The following AGBL4 variants were observed in gnomAD, a reference collection of about 807,000 sequenced individuals.
AGBL4 encodes AGBL carboxypeptidase 4, also known as cytosolic carboxypeptidase 6.
AGBL4 carries 58 observed loss-of-function variants against 66.4 expected under a neutral mutation model. The ratio of observed to expected loss-of-function variants is 0.87; its 90% CI spans 0.71 to 1.09. The LOEUF is 1.09. Among genes scored for constraint, AGBL4 ranks in the 50% least tolerant of loss-of-function variants. The probability of loss-of-function intolerance (pLI) is 0.00; values close to 1 mark genes in which losing one functional copy is unlikely to be tolerated. For missense variants in AGBL4, 579 were observed against 631.0 expected (o/e 0.92, Z 0.88); for synonymous variants, 234 against 222.9 (o/e 1.05, Z -0.44).
intron 5 of AGBL4, among the ~76,000 whole-genome samples, chr1:48,951,906 A>T (rs1364465011): frequency 6.6e-6 from 1 of 152,248 alleles, no homozygotes; most frequent in African/African-American, 2.4e-5. Context: ...TGGCCTTATG[A>T]GGGAAGCATT....
At chr1:49,582,204 TG>T (rs1162774013) in intron 3 of AGBL4, among the ~76,000 whole-genome samples, 2 of 152,160 alleles carry the variant, frequency 1.3e-5, no homozygotes, top group Non-Finnish European at 2.9e-5. Flanking sequence ...TGGGCAAACC[TG>T]TGCTTGGGCC....
intron 2 of AGBL4, among the ~76,000 whole-genome samples, chr1:49,738,401 G>A (rs1650090780): frequency 6.6e-6 from 1 of 151,998 alleles, no homozygotes; most frequent in Non-Finnish European, 1.5e-5. Context: ...TAAACAAAAT[G>A]GCCAGGAAGC....
chr1:48,621,065 C>A (rs1645405524), intron 9 of AGBL4, among the ~76,000 whole-genome samples: 1 of 151,984 alleles, frequency 6.6e-6, no homozygotes, highest in South Asian at 2.1e-4. Flanking sequence ...ACTTAGCTGA[C>A]CGAGAGGGAT....
intron 8 of AGBL4, among the ~76,000 whole-genome samples, chr1:48,639,021 C>G (rs1387969900): frequency 6.6e-6 from 1 of 152,116 alleles, no homozygotes; most frequent in African/African-American, 2.4e-5. Context: ...CATAGTCTCC[C>G]CAGTTGGCTA....
At chr1:49,698,191 GT>G (rs1647022646) in intron 2 of AGBL4, among the ~76,000 whole-genome samples, 1 of 151,762 alleles carries the variant, frequency 6.6e-6, no homozygotes, top group East Asian at 1.9e-4. Flanking sequence ...AACTAGTTTA[GT>G]TTTAGTTCTG....
chr1:49,910,587 T>C (rs898659956), intron 1 of AGBL4, among the ~76,000 whole-genome samples: 1 of 151,796 alleles, frequency 6.6e-6, no homozygotes, highest in African/African-American at 2.4e-5. Flanking sequence ...ATCAGAACCT[T>C]GAAAGATAAA....
chr1:49,832,921 A>C (rs1298102777), intron 2 of AGBL4, among the ~76,000 whole-genome samples: 1 of 151,808 alleles, frequency 6.6e-6, no homozygotes, highest in Non-Finnish European at 1.5e-5. Flanking sequence ...AGGTTGTGAA[A>C]ATTTTCTCCC....
In AGBL4 at chr1:49,104,948, T is replaced by C. The variant is rs576607721; in HGVS notation, c.378-59148A>G. ...TAGAGCTGGGAGATATCACATTTCTTACACGAAAAATGGGCTAACAGCAAT... is the reference window on the plus strand; with the variant it reads ...TAGAGCTGGGAGATATCACATTTCTCACACGAAAAATGGGCTAACAGCAAT... On this transcript the variant is annotated intron_variant, in intron 4 of 13. Transcript: ENST00000371839. 1.2e-4 allele frequency among the ~76,000 whole-genome samples: 18 copies of C among 152,276 alleles called. No individual in the cohort carries two copies. In the East Asian group the frequency reaches 3.5e-3, roughly 29 times the overall value.
intron 4 of AGBL4, among the ~76,000 whole-genome samples, chr1:49,180,483 G>A (rs753415703): frequency 3.3e-5 from 5 of 152,164 alleles, no homozygotes; most frequent in Non-Finnish European, 7.3e-5. Flanking sequence ...GGCTCAGAAA[G>A]GTTAAATCAT....
intron 11 of AGBL4, among the ~76,000 whole-genome samples, chr1:48,577,332 A>G: frequency 6.6e-6 from 1 of 152,246 alleles, no homozygotes; most frequent in East Asian, 1.9e-4. Flanking sequence ...TAACAGCCAT[A>G]ATCCTGAAAC....
At chr1:50,023,410 G>A (rs1315167390) in intron 1 of AGBL4, among the ~76,000 whole-genome samples, 9 of 152,146 alleles carry the variant, frequency 5.9e-5, no homozygotes, top group Admixed American at 5.9e-4. Flanking sequence ...CCACAGGGCA[G>A]TGTACACCCT....
chr1:49,948,618 A>T (rs1655784889), intron 1 of AGBL4, among the ~76,000 whole-genome samples: 1 of 134,408 alleles, frequency 7.4e-6, no homozygotes, highest in African/African-American at 2.6e-5. Context: ...TACACTTAGG[A>T]ATATACCTAA....
At chr1:49,799,492 A>G (rs1484782901) in intron 2 of AGBL4, among the ~76,000 whole-genome samples, 1 of 152,160 alleles carries the variant, frequency 6.6e-6, no homozygotes, top group Non-Finnish European at 1.5e-5. Flanking sequence ...GTTGTATGCT[A>G]GTAATGATTA....
At chr1:49,406,981 C>T (rs984360371) in intron 3 of AGBL4, among the ~76,000 whole-genome samples, 3 of 141,020 alleles carry the variant, frequency 2.1e-5, no homozygotes, top group African/African-American at 5.4e-5. Flanking sequence ...AGGAGAATGG[C>T]GTAAACCCGG....
intron 1 of AGBL4, among the ~76,000 whole-genome samples, chr1:49,937,859 C>T (rs1415777992): frequency 6.6e-6 from 1 of 151,526 alleles, no homozygotes; most frequent in Non-Finnish European, 1.5e-5. Context: ...AGGGATTATA[C>T]ATTTATAGCA....
chr1:48,720,192 G>A (rs1647122668), intron 6 of AGBL4, among the ~76,000 whole-genome samples: 2 of 152,306 alleles, frequency 1.3e-5, no homozygotes, highest in African/African-American at 4.8e-5. Flanking sequence ...ACCTTAAAGG[G>A]CTTAGTCCAG....
At chr1:49,340,587 C>T (rs988316535) in intron 3 of AGBL4, among the ~76,000 whole-genome samples, 16 of 152,148 alleles carry the variant, frequency 1.1e-4, no homozygotes, top group Non-Finnish European at 2.2e-4. Context: ...TTAAATTTCT[C>T]TCCTTTTCAT....
intron 1 of AGBL4, among the ~76,000 whole-genome samples, chr1:49,858,243 G>C (rs1646481758): frequency 6.6e-6 from 1 of 151,942 alleles, no homozygotes; most frequent in Non-Finnish European, 1.5e-5. Flanking sequence ...GAAAAGAAAA[G>C]GCAATTCTTG....
chr1:48,567,071 A>G (rs187590293), intron 11 of AGBL4, among the ~76,000 whole-genome samples: 167 of 152,344 alleles, frequency 1.1e-3, no homozygotes, highest in African/African-American at 3.7e-3. Flanking sequence ...CCTGACTAAT[A>G]CAGCCACTTA....
Sources: allele counts gnomAD v4.1 joint callset (sites outside exome capture counted in the v4.1 genomes callset), GRCh38; gene constraint gnomAD v4.1.1; transcripts MANE v1.5; gene names NCBI Gene and HGNC (gene_info 2026-07-23, HGNC 2026-07-21).